MECOM: variants seen among roughly 807,000 people sequenced by gnomAD.
MECOM encodes the protein histone-lysine N-methyltransferase MECOM.
Under a neutral mutation model 116.3 loss-of-function variants are expected in MECOM, and 13 were observed. The observed-to-expected ratio is 0.11, with a 90% CI of 0.07 to 0.18. The LOEUF is 0.18. Among genes scored for constraint, MECOM ranks in the 10% least tolerant of loss-of-function variants. MECOM has a pLI of 1.00. For synonymous variants in MECOM, 528 were observed against 535.2 expected (o/e 0.99, Z 0.19); for missense variants, 1,299 against 1,509.0 (o/e 0.86, Z 2.31).
chr3:169,109,094 G>A (rs1162314855), intron 9 of MECOM, among the ~76,000 whole-genome samples: 8 of 152,116 alleles, frequency 5.3e-5, no homozygotes, highest in Non-Finnish European at 1.5e-5. Flanking sequence ...GAATGCAAAG[G>A]ATCCAAAATA....
At chr3:169,115,008 C>A (rs1728682724) in intron 8 of MECOM, among the ~76,000 whole-genome samples, 1 of 152,130 alleles carries the variant, frequency 6.6e-6, no homozygotes, top group African/African-American at 2.4e-5. Flanking sequence ...TTCCAAAGAA[C>A]CTGACCCATT....
chr3:169,272,958 G>A (rs1408106889), intron 2 of MECOM, among the ~76,000 whole-genome samples: 3 of 152,250 alleles, frequency 2.0e-5, no homozygotes, highest in Admixed American at 6.5e-5. Flanking sequence ...GCAAGGGTGA[G>A]AGGACAGCAA....
chr3:169,557,973 T>A (rs1762229352), intron 1 of MECOM, among the ~76,000 whole-genome samples: 1 of 152,210 alleles, frequency 6.6e-6, no homozygotes, highest in Non-Finnish European at 1.5e-5. Context: ...TATAAGCTAG[T>A]GAAATGAAGT....
intron 3 of MECOM, among the ~76,000 whole-genome samples, chr3:169,136,420 T>G (rs3980919): frequency 0.62 from 93,104 of 150,662 alleles, 29,128 homozygotes; most frequent in Middle Eastern, 0.66. Flanking sequence ...TGTAATTATA[T>G]ATTATGTTTT....
chr3:169,381,426 G>A lies in MECOM; in HGVS notation c.136C>T (p.Pro46Ser). ...TCACTGGATGTGGCAGGAGAGCATG[G>A]CTCTTGAATATTGAGGGAGGGAGTG... ...ASTPSLNIQE[P>S]CSPATSSEAF... The change falls in exon 2 of 17, where the codon CCA (proline) becomes TCA (serine). Residue 46 changes from proline to serine, a missense_variant. Physicochemically the swap from Pro to Ser is moderately conservative, Grantham distance 74. Around this residue, in one of 6 missense-constraint regions of MECOM, gnomAD observed 374 missense variants for 433.4 expected, o/e 0.86. Transcript: ENST00000651503. 5.6e-6 allele frequency: 9 copies of A among 1,613,806 alleles called. No individual in the cohort carries two copies. The highest frequency in any genetic ancestry group is 1.7e-4 in the Middle Eastern group (1 of 6,058).
At chr3:169,343,452 A>G (rs1724887828) in intron 2 of MECOM, among the ~76,000 whole-genome samples, 1 of 152,152 alleles carries the variant, frequency 6.6e-6, no homozygotes, top group African/African-American at 2.4e-5. Context: ...ACTGCTGCAC[A>G]TTAACTCTGT....
chr3:169,111,945 C>T (rs2149041696), intron 9 of MECOM, among the ~76,000 whole-genome samples: 1 of 152,140 alleles, frequency 6.6e-6, no homozygotes, highest in East Asian at 1.9e-4. Flanking sequence ...GAACATATTA[C>T]AACAGAACAA....
chr3:169,088,170 G>C (rs1435910693), intron 16 of MECOM, among the ~76,000 whole-genome samples: 1 of 152,110 alleles, frequency 6.6e-6, no homozygotes, highest in East Asian at 1.9e-4. Context: ...TGAACTAATG[G>C]ATCAGGCAAT....
chr3:169,594,178 A>G (rs200324943), intron 1 of MECOM, among the ~76,000 whole-genome samples: 1 of 138,598 alleles, frequency 7.2e-6, no homozygotes, highest in Non-Finnish European at 1.6e-5. Context: ...AAAAAAAAAC[A>G]CCTTTTCACC....
At chr3:169,094,024 G>T (rs1384694748) in intron 13 of MECOM, among the ~76,000 whole-genome samples, 1 of 151,934 alleles carries the variant, frequency 6.6e-6, no homozygotes, top group Non-Finnish European at 1.5e-5. Flanking sequence ...ATGCTATAAG[G>T]GTACACACAG....
chr3:169,577,035 G>C (rs527328796), intron 1 of MECOM, among the ~76,000 whole-genome samples: 39 of 152,288 alleles, frequency 2.6e-4, no homozygotes, highest in African/African-American at 8.7e-4. Flanking sequence ...AGGGTAAAGA[G>C]CATGGAACCA....
intron 2 of MECOM, among the ~76,000 whole-genome samples, chr3:169,348,373 A>C (rs1346394390): frequency 6.6e-6 from 1 of 152,054 alleles, no homozygotes; most frequent in Admixed American, 6.6e-5. Context: ...CTGACCCAGG[A>C]TCTCCAAGAA....
chr3:169,196,157 T>C (rs1748385104), intron 2 of MECOM, among the ~76,000 whole-genome samples: 1 of 151,992 alleles, frequency 6.6e-6, no homozygotes, highest in Non-Finnish European at 1.5e-5. Flanking sequence ...CTTATCAGCG[T>C]GTGCATTCTT....
chr3:169,128,478 G>A (rs1733630029), intron 4 of MECOM, among the ~76,000 whole-genome samples: 1 of 152,168 alleles, frequency 6.6e-6, no homozygotes, highest in Admixed American at 6.5e-5. Flanking sequence ...GAAGTCAAAT[G>A]TAAACAGTCA....
At chr3:169,092,515 A>G (rs986851827) in intron 14 of MECOM, among the ~76,000 whole-genome samples, 1 of 152,050 alleles carries the variant, frequency 6.6e-6, no homozygotes, top group Admixed American at 6.6e-5. Context: ...TATGATGTAT[A>G]ATAGTAGCCA....
intron 1 of MECOM, among the ~76,000 whole-genome samples, chr3:169,588,515 C>T (rs1276900542): frequency 6.6e-6 from 1 of 152,154 alleles, no homozygotes; most frequent in Admixed American, 6.5e-5. Flanking sequence ...TGAAACCACA[C>T]AATTTATGTG....
chr3:169,565,845 G>C (rs919722641), intron 1 of MECOM: 5 of 371,402 alleles, frequency 1.3e-5, no homozygotes, highest in Non-Finnish European at 2.6e-5. Flanking sequence ...GGGAGTCAGG[G>C]AGGTTTGGCA....
chr3:169,194,625 A>G (rs560147639), intron 2 of MECOM, among the ~76,000 whole-genome samples: 2 of 152,120 alleles, frequency 1.3e-5, no homozygotes, highest in South Asian at 4.1e-4. Flanking sequence ...ACACATCTGG[A>G]AAGCCATATT....
intron 1 of MECOM, among the ~76,000 whole-genome samples, chr3:169,591,736 G>A (rs1159695524): frequency 1.3e-5 from 2 of 152,150 alleles, no homozygotes; most frequent in African/African-American, 2.4e-5. Flanking sequence ...AGAGAAACCT[G>A]TTATAATATG....
Sources: allele counts gnomAD v4.1 joint callset (sites outside exome capture counted in the v4.1 genomes callset), GRCh38; gene constraint gnomAD v4.1.1; regional missense constraint gnomAD v4.1.1; transcripts MANE v1.5; gene names NCBI Gene and HGNC (gene_info 2026-07-23, HGNC 2026-07-21).